The following CYLD variants were observed in gnomAD, a reference collection of about 807,000 sequenced individuals.
CYLD encodes the protein ubiquitin carboxyl-terminal hydrolase CYLD.
Under a neutral mutation model 104.5 loss-of-function variants are expected in CYLD, and 26 were observed. The observed-to-expected ratio is 0.25, with a 90% CI of 0.18 to 0.35. The LOEUF is 0.35. CYLD is among the 10% of genes least tolerant of loss of function. The pLI, the probability that CYLD is intolerant of heterozygous loss-of-function variation, is 1.00. For missense variants in CYLD, 703 were observed against 1,136.1 expected (o/e 0.62, Z 5.48); for synonymous variants, 385 against 399.9 (o/e 0.96, Z 0.45).
In CYLD at chr16:50,749,894, A is replaced by G; in HGVS notation, c.196A>G (p.Lys66Glu). ...TTCAAGGATTCCTTCTGCAAAAGGCAAGAAAAATCAGATTGGATTAAAAAT... is the reference window on the plus strand; with the variant it reads ...TTCAAGGATTCCTTCTGCAAAAGGCGAGAAAAATCAGATTGGATTAAAAAT... ...GHSRIPSAKG[K>E]KNQIGLKILE... Residue 66 changes from lysine (K) to glutamate (E), a missense_variant, in exon 3 of 19, where the codon AAG (lysine) becomes GAG (glutamate). This residue lies in a region of CYLD where 142 missense variants were observed against 165.1 expected (regional missense o/e 0.86). Transcript: ENST00000427738. 1 of 1,614,166 alleles carries G rather than the reference A, an allele frequency of 6.2e-7. No individual in the cohort carries two copies. Among genetic ancestry groups the G allele is most frequent in the Non-Finnish European group, 8.5e-7 (1 of 1,180,028 alleles).
intron 7 of CYLD, among the ~76,000 whole-genome samples, chr16:50,776,914 G>T (rs778367613): frequency 2.0e-5 from 3 of 152,122 alleles, no homozygotes; most frequent in Non-Finnish European, 4.4e-5. Context: ...AAAGGAAATT[G>T]TACTTTAAGA....
At chr16:50,743,218 A>T (rs970929909) in intron 2 of CYLD, among the ~76,000 whole-genome samples, 2 of 152,150 alleles carry the variant, frequency 1.3e-5, no homozygotes, top group Admixed American at 6.5e-5. Context: ...TTTTGCAATC[A>T]TTGGCTCTCA....
intron 5 of CYLD, among the ~76,000 whole-genome samples, chr16:50,768,391 T>A (rs1182597726): frequency 6.6e-6 from 1 of 152,194 alleles, no homozygotes; most frequent in Non-Finnish European, 1.5e-5. Context: ...CCTTAGTTTC[T>A]TTTTCTTGCC....
chr16:50,793,795 A>T, intron 17 of CYLD, 131 bp downstream of exon 17: 1 of 726,174 alleles, frequency 1.4e-6, no homozygotes, highest in Non-Finnish European at 2.4e-6. Flanking sequence ...ATAAAATGGT[A>T]TTGCTTTTGC....
chr16:50,778,223 A>C, intron 8 of CYLD: 2 of 230,982 alleles, frequency 8.7e-6, no homozygotes, highest in African/African-American at 2.3e-5. Context: ...TCTTTAAAGC[A>C]CTCCCTTTTA....
chr16:50,742,334 C>G (rs1278481193), intron 1 of CYLD: 29 of 151,650 alleles, frequency 1.9e-4, no homozygotes, highest in Non-Finnish European at 3.8e-4. Context: ...GGCGCCGGCC[C>G]GTTAGTTGCC....
At chr16:50,757,682 G>A (rs1041706216) in intron 5 of CYLD, among the ~76,000 whole-genome samples, 2 of 151,872 alleles carry the variant, frequency 1.3e-5, no homozygotes, top group Admixed American at 6.6e-5. Context: ...GACCACAGGC[G>A]CCCGCCACCA....
chr16:50,763,986 A>G (rs73584449), intron 5 of CYLD, among the ~76,000 whole-genome samples: 8,652 of 152,066 alleles, frequency 0.057, 797 homozygotes, highest in African/African-American at 0.2. Context: ...CTTTTTCTCT[A>G]TTGAGATAAT....
intron 5 of CYLD, among the ~76,000 whole-genome samples, chr16:50,764,192 T>C (rs1363871888): frequency 6.6e-6 from 1 of 152,196 alleles, no homozygotes; most frequent in Non-Finnish European, 1.5e-5. Context: ...GGTTTTGGAA[T>C]CAAAGTCGTG....
rs561490877 is a variant in CYLD, at chr16:50,768,567, G to C, written c.914-6599G>C. Among the ~76,000 whole-genome samples the C allele has an allele frequency of 5.9e-5, 9 of 152,264 alleles. 1 individual carries two copies. The highest frequency in any genetic ancestry group is 2.2e-4 in the African/African-American group (9 of 41,550). ...AGGATACCTTTGATTGAAAGATGCA[G>C]GAATCTTAAACCTGTTATAAAATTG... On this transcript the variant is annotated intron_variant, in intron 5 of 18. Coordinates refer to ENST00000427738, the MANE Select transcript of CYLD (RefSeq NM_001378743.1).
intron 18 of CYLD, chr16:50,795,687 GA>G (rs1971969277): frequency 2.9e-6 from 2 of 696,444 alleles, no homozygotes; most frequent in African/African-American, 3.5e-5. Context: ...TCTGATGCTT[GA>G]GGGATACATC....
intron 15 of CYLD, 135 bp from the exon 16 acceptor site, chr16:50,792,462 C>T (rs574707433): frequency 5.8e-5 from 38 of 649,758 alleles, no homozygotes; most frequent in South Asian, 4.6e-4. Flanking sequence ...CCCATGGTCA[C>T]GTGTGGATCC....
intron 5 of CYLD, among the ~76,000 whole-genome samples, chr16:50,772,189 C>T (rs977565451): frequency 1.3e-5 from 2 of 152,036 alleles, no homozygotes; most frequent in African/African-American, 2.4e-5. Flanking sequence ...TGGTTGGGGC[C>T]TTCTTTTGTC....
In CYLD at chr16:50,750,147, G is replaced by C; in HGVS notation, c.449G>C (p.Gly150Ala). The C allele has an allele frequency of 6.2e-7, 1 of 1,614,062 alleles. No individual in the cohort carries two copies. The highest frequency in any genetic ancestry group is 8.5e-7 in the Non-Finnish European group (1 of 1,179,974). ...EKFPGVVRFR[G>A]PLLAERTVSG... ...TTTCCTGGAGTTGTACGCTTCAGAG[G>C]ACCCCTGTTAGCAGAGAGGACAGTC... Residue 150 changes from glycine (G) to alanine (A), a missense_variant, in exon 3 of 19, where the codon GGA becomes GCA. By Grantham distance (60) the Gly-to-Ala change is moderately conservative (BLOSUM62 0). Around this residue, in one of 5 missense-constraint regions of CYLD, gnomAD observed 123 missense variants for 213.3 expected, o/e 0.58. Coordinates refer to ENST00000427738, the MANE Select transcript of CYLD (RefSeq NM_001378743.1).
rs186116613 is a variant in CYLD at position 50,767,986 on chromosome 16, G to A, written c.914-7180G>A. Among the ~76,000 whole-genome samples the A allele has an allele frequency of 6.6e-5, 10 of 152,254 alleles. No individual in the cohort carries two copies. In the East Asian group the frequency reaches 1.9e-3, roughly 29 times the overall value. ...GGTTTTGTTTTATTAAAATATTGGT[G>A]GAGGATTGAGATAATTAAAATTAGT... On this transcript the variant is annotated intron_variant, in intron 5 of 18. Coordinates refer to ENST00000427738, the MANE Select transcript of CYLD (RefSeq NM_001378743.1).
chr16:50,782,252 A>G, intron 10 of CYLD, 73 bp from the exon 11 acceptor site: 3 of 1,178,330 alleles, frequency 2.5e-6, no homozygotes, highest in Admixed American at 2.8e-5. Flanking sequence ...ATGAAAAAAT[A>G]TTTATGGGAA....
chr16:50,742,569 G>T, intron 1 of CYLD, 193 bp from the exon 2 acceptor site: 1 of 368,584 alleles, frequency 2.7e-6, no homozygotes. Context: ...TTTACAGATT[G>T]GGAGACTGAG....
chr16:50,793,920 ATT>A (rs34233862), intron 17 of CYLD, among the ~76,000 whole-genome samples: 9 of 131,054 alleles, frequency 6.9e-5, no homozygotes, highest in Admixed American at 1.5e-4. Flanking sequence ...CATTAATGAC[ATT>A]TTTTTTTTTT....
intron 4 of CYLD, among the ~76,000 whole-genome samples, chr16:50,752,847 G>T (rs986783427): frequency 6.6e-6 from 1 of 152,126 alleles, no homozygotes; most frequent in Non-Finnish European, 1.5e-5. Flanking sequence ...TTCCAGTGTG[G>T]TTCATTGGAT....
Sources: gnomAD v4.1 joint callset for allele counts (sites outside exome capture counted in the v4.1 genomes callset) on GRCh38, gnomAD v4.1.1 for gene constraint, gnomAD v4.1.1 regional missense constraint, MANE v1.5 for transcripts, NCBI Gene and HGNC (gene_info 2026-07-23, HGNC 2026-07-21) for gene names.